ABTB2: variants seen among roughly 807,000 people sequenced by gnomAD.
ABTB2 encodes the protein ankyrin repeat and BTB domain containing 2.
Under a neutral mutation model 104.1 loss-of-function variants are expected in ABTB2, and 56 were observed. That is an observed-to-expected ratio of 0.54 (90% CI 0.43 to 0.67). The LOEUF is 0.67. Ranked by LOEUF, ABTB2 falls within the 30% of genes least tolerant of loss-of-function variation. The probability of loss-of-function intolerance (pLI) is 0.00; values close to 1 mark genes in which losing one functional copy is unlikely to be tolerated. For synonymous variants in ABTB2, 606 were observed against 608.2 expected (o/e 1.00, Z 0.05); for missense variants, 1,279 against 1,407.7 (o/e 0.91, Z 1.46).
At chr11:34,331,462 G>A (rs1287916695) in intron 1 of ABTB2, among the ~76,000 whole-genome samples, 1 of 152,132 alleles carries the variant, frequency 6.6e-6, no homozygotes, top group African/African-American at 2.4e-5. Flanking sequence ...CCAGCCATGT[G>A]TATTTTGGAC....
At chr11:34,281,795 C>T (rs945952993) in intron 1 of ABTB2, among the ~76,000 whole-genome samples, 2 of 152,216 alleles carry the variant, frequency 1.3e-5, no homozygotes, top group Admixed American at 6.5e-5. Context: ...TGCCTCTTCT[C>T]TTATTCAAAT....
intron 1 of ABTB2, among the ~76,000 whole-genome samples, chr11:34,292,755 C>T (rs941819): frequency 0.79 from 119,391 of 151,896 alleles, 47,785 homozygotes; most frequent in African/African-American, 0.94. Context: ...GGAGGGCTGC[C>T]TGGAGGAGGT....
intron 1 of ABTB2, among the ~76,000 whole-genome samples, chr11:34,312,152 A>AG (rs1203577126): frequency 5.3e-5 from 8 of 149,982 alleles, no homozygotes; most frequent in Admixed American, 4.6e-4. Flanking sequence ...AAAAAAAAAA[A>AG]AAAGAAAAAG....
chr11:34,338,639 C>T (rs942341658), intron 1 of ABTB2, among the ~76,000 whole-genome samples: 4 of 151,890 alleles, frequency 2.6e-5, no homozygotes, highest in African/African-American at 4.8e-5. Context: ...CGGGGCAAGG[C>T]TTGCAGTGAG....
chr11:34,199,867 T>C (rs1197219065), intron 2 of ABTB2, among the ~76,000 whole-genome samples: 1 of 152,210 alleles, frequency 6.6e-6, no homozygotes, highest in Non-Finnish European at 1.5e-5. Flanking sequence ...ATAGCACTGT[T>C]ATAATTAATG....
chr11:34,251,052 T>A (rs1486737482), intron 1 of ABTB2, among the ~76,000 whole-genome samples: 1 of 152,206 alleles, frequency 6.6e-6, no homozygotes, highest in Non-Finnish European at 1.5e-5. Flanking sequence ...GCTACACCCA[T>A]GGAGTTGGCA....
intron 3 of ABTB2, among the ~76,000 whole-genome samples, chr11:34,178,947 A>C (rs964537009): frequency 2.0e-5 from 3 of 152,024 alleles, no homozygotes; most frequent in Admixed American, 6.6e-5. Context: ...GTGGTGGCAC[A>C]CACCTGTAGT....
At chr11:34,349,173 G>A (rs1000206131) in intron 1 of ABTB2, among the ~76,000 whole-genome samples, 4 of 152,180 alleles carry the variant, frequency 2.6e-5, no homozygotes, top group Non-Finnish European at 5.9e-5. Context: ...CAAAACACCT[G>A]CTATGATCTG....
At chr11:34,246,702 C>T (rs548392116) in intron 1 of ABTB2, among the ~76,000 whole-genome samples, 1 of 151,212 alleles carries the variant, frequency 6.6e-6, no homozygotes, top group African/African-American at 2.4e-5. Context: ...TGAACCCTAC[C>T]ACAACAGAAA....
At chr11:34,239,895 TC>T (rs1853891563) in intron 1 of ABTB2, among the ~76,000 whole-genome samples, 1 of 152,194 alleles carries the variant, frequency 6.6e-6, no homozygotes, top group East Asian at 1.9e-4. Context: ...TGGACTGTCT[TC>T]CCAAAAAAGC....
intron 1 of ABTB2, among the ~76,000 whole-genome samples, chr11:34,320,303 T>C (rs915632641): frequency 2.6e-5 from 4 of 152,184 alleles, no homozygotes; most frequent in African/African-American, 9.7e-5. Context: ...GCAGATTTTA[T>C]TTCTTAAGGA....
Position 34,162,688 on chromosome 11 carries a change from GCCACTGC to G in ABTB2, c.2099_2105del (p.Gly700AlafsTer8). 1 of 1,613,084 alleles carries G rather than the reference GCCACTGC, an allele frequency of 6.2e-7. No homozygotes were observed. Among genetic ancestry groups the G allele is most frequent in the Non-Finnish European group, 8.5e-7 (1 of 1,180,030 alleles). ...GGCTCAGCCGCACGGGCCCCTCGCT[GCCACTGC>G]CCTGGCTCGACGCATCACTTTCCTC... On this transcript the variant is annotated frameshift_variant, in exon 10 of 17. Coordinates refer to ENST00000435224, the MANE Select transcript of ABTB2 (RefSeq NM_145804.3). LOFTEE classifies it high-confidence loss of function.
At chr11:34,338,688 G>C (rs117250497) in intron 1 of ABTB2, among the ~76,000 whole-genome samples, 7,159 of 152,244 alleles carry the variant, frequency 0.047, 224 homozygotes, top group Non-Finnish European at 0.072. Context: ...GGATGACAGA[G>C]GGAGACTTCC....
At chr11:34,321,433 T>C (rs1855000381) in intron 1 of ABTB2, among the ~76,000 whole-genome samples, 1 of 152,232 alleles carries the variant, frequency 6.6e-6, no homozygotes, top group Non-Finnish European at 1.5e-5. Context: ...GGTTACTTCT[T>C]TTCTGTCTCA....
chr11:34,277,799 CTTTTTTT>C (rs1163442976), intron 1 of ABTB2, among the ~76,000 whole-genome samples: 25 of 120,724 alleles, frequency 2.1e-4, no homozygotes, highest in Admixed American at 4.2e-4. Context: ...AACAGATTCT[CTTTTTTT>C]TTTTTTTTTT....
At chr11:34,264,962 G>T (rs1057325407) in intron 1 of ABTB2, among the ~76,000 whole-genome samples, 4 of 152,212 alleles carry the variant, frequency 2.6e-5, no homozygotes, top group Admixed American at 1.3e-4. Context: ...ATCTGAATCA[G>T]CATGGAGGAC....
rs1336620319 is a variant in ABTB2 at position 34,154,864 on chromosome 11, A to G, written c.2698-95T>C. The G allele has an allele frequency of 2.9e-5, 36 of 1,244,524 alleles. No individual in the cohort carries two copies. The highest frequency in any genetic ancestry group is 2.0e-4 in the South Asian group (15 of 76,724). 77.1% of individuals were successfully genotyped at this position (1,244,524 alleles called of 1,614,324 possible). A position where few individuals can be genotyped will look rare whatever the true frequency, so the allele number is the denominator to read the frequency against. ...GGGTACTGCTCCAGCTGCCGCCTCCAGGGGCCTGTCCCTCTGCAGGTCCCC... is the reference window on the plus strand; with the variant it reads ...GGGTACTGCTCCAGCTGCCGCCTCCGGGGGCCTGTCCCTCTGCAGGTCCCC... On this transcript the variant is annotated intron_variant, in intron 14 of 16. Coordinates refer to ENST00000435224, the MANE Select transcript of ABTB2 (RefSeq NM_145804.3). This position sits in a 1 kb window ranked among gnomAD's most constrained non-coding sequence, Gnocchi z 4.9.
At chr11:34,198,462 A>C (rs58307496) in intron 2 of ABTB2, among the ~76,000 whole-genome samples, 4,195 of 151,576 alleles carry the variant, frequency 0.028, 200 homozygotes, top group African/African-American at 0.096. Context: ...AACAAAAAAA[A>C]ACAAAAACTT....
intron 10 of ABTB2, 107 bp from the exon 11 acceptor site, chr11:34,161,188 G>A (rs1852716647): frequency 1.6e-6 from 2 of 1,220,678 alleles, no homozygotes; most frequent in Non-Finnish European, 2.2e-6. Flanking sequence ...CCCGCTGTCT[G>A]CAGAGCACCC....
Sources: gnomAD v4.1 joint callset for allele counts (sites outside exome capture counted in the v4.1 genomes callset) on GRCh38, gnomAD v4.1.1 for gene constraint, Gnocchi (gnomAD v3.1) non-coding constraint, MANE v1.5 for transcripts, NCBI Gene and HGNC (gene_info 2026-07-23, HGNC 2026-07-21) for gene names.